DLGAP1: variants seen among roughly 807,000 people sequenced by gnomAD.
The protein encoded by DLGAP1 is DLG associated protein 1.
DLGAP1 carries 11 observed loss-of-function variants against 90.8 expected under a neutral mutation model. That is an observed-to-expected ratio of 0.12 (90% CI 0.08 to 0.20). DLGAP1 has a LOEUF of 0.20. Among genes scored for constraint, DLGAP1 ranks in the 10% least tolerant of loss-of-function variants. The probability of loss-of-function intolerance (pLI) is 1.00; values close to 1 mark genes in which losing one functional copy is unlikely to be tolerated. For missense variants in DLGAP1, 1,050 were observed against 1,333.8 expected (o/e 0.79, Z 3.31); for synonymous variants, 558 against 540.7 (o/e 1.03, Z -0.44).
Position 4,404,550 on chromosome 18 carries a change from A to G in DLGAP1, c.-267+50456T>C, listed in dbSNP as rs115183222. Among the ~76,000 whole-genome samples the G allele has an allele frequency of 5.2e-3, 790 of 152,374 alleles. 6 individuals carry two copies. Among genetic ancestry groups the G allele is most frequent in the African/African-American group, 0.018 (728 of 41,590 alleles). On this transcript the variant is annotated intron_variant, in intron 1 of 12. Transcript: ENST00000315677. ...CAAAAACATACAATATTACATAAAG[A>G]TGAAAACTAATTTACTCTTACATAC...
At chr18:4,216,207 C>A (rs56123576) in intron 1 of DLGAP1, among the ~76,000 whole-genome samples, 2,148 of 151,998 alleles carry the variant, frequency 0.014, 47 homozygotes, top group African/African-American at 0.049. Flanking sequence ...TGGAGAAAAG[C>A]CCCTTAGAAG....
intron 3 of DLGAP1, chr18:3,962,391 T>C (rs1298741635): frequency 6.6e-6 from 1 of 152,210 alleles, no homozygotes; most frequent in African/African-American, 2.4e-5. Flanking sequence ...TAGAATGAAT[T>C]GCGATGAAAC....
At chr18:4,408,497 T>C (rs1298411317) in intron 1 of DLGAP1, among the ~76,000 whole-genome samples, 1 of 151,612 alleles carries the variant, frequency 6.6e-6, no homozygotes, top group African/African-American at 2.4e-5. Context: ...TATGTCAAAA[T>C]TACAATAAGA....
chr18:4,075,803 T>C (rs2075514521), intron 2 of DLGAP1, among the ~76,000 whole-genome samples: 1 of 152,266 alleles, frequency 6.6e-6, no homozygotes, highest in South Asian at 2.1e-4. Context: ...ATAGAGTTGT[T>C]CTTTGTTCAC....
At chr18:3,679,612 A>G (rs1419272156) in intron 7 of DLGAP1, among the ~76,000 whole-genome samples, 1 of 148,716 alleles carries the variant, frequency 6.7e-6, no homozygotes, top group Non-Finnish European at 1.5e-5. Flanking sequence ...GCTACTAGAT[A>G]GGGCCGATGA....
chr18:3,647,211 G>A (rs894868621), intron 7 of DLGAP1, among the ~76,000 whole-genome samples: 36 of 150,680 alleles, frequency 2.4e-4, no homozygotes, highest in African/African-American at 7.8e-4. Flanking sequence ...CTGAGATTGT[G>A]CCATTGCACT....
chr18:3,586,564 A>C (rs538992832), intron 7 of DLGAP1, among the ~76,000 whole-genome samples: 1 of 151,696 alleles, frequency 6.6e-6, no homozygotes, highest in African/African-American at 2.4e-5. Context: ...GATTTAAGAG[A>C]TCCTCCCCCT....
chr18:4,150,418 T>C (rs1436900905), intron 2 of DLGAP1, among the ~76,000 whole-genome samples: 1 of 151,664 alleles, frequency 6.6e-6, no homozygotes, highest in African/African-American at 2.4e-5. Context: ...TGAGATGGAG[T>C]CTCTCTCTGT....
At chr18:3,871,357 C>T (rs1219372155) in intron 4 of DLGAP1, among the ~76,000 whole-genome samples, 1 of 152,100 alleles carries the variant, frequency 6.6e-6, no homozygotes, top group African/African-American at 2.4e-5. Context: ...ACCTTCTGAT[C>T]AGGAGGTTCT....
intron 1 of DLGAP1, among the ~76,000 whole-genome samples, chr18:4,212,971 A>C (rs2077877505): frequency 1.3e-5 from 2 of 152,202 alleles, no homozygotes; most frequent in South Asian, 4.1e-4. Flanking sequence ...AAAGTGGCAA[A>C]TAAATTATAT....
At chr18:3,502,353 A>G in intron 12 of DLGAP1, 140 bp downstream of exon 12, 2 of 1,448,532 alleles carry the variant, frequency 1.4e-6, no homozygotes, top group Non-Finnish European at 1.8e-6. Flanking sequence ...CTATGTAAAC[A>G]TTGTCATTAC....
At chr18:3,782,780 T>C (rs2065257655) in intron 5 of DLGAP1, among the ~76,000 whole-genome samples, 1 of 152,250 alleles carries the variant, frequency 6.6e-6, no homozygotes, top group Non-Finnish European at 1.5e-5. Context: ...TCAATTATTA[T>C]GACTTTTCTT....
At chr18:4,033,299 T>C (rs2149133266) in intron 2 of DLGAP1, among the ~76,000 whole-genome samples, 1 of 152,050 alleles carries the variant, frequency 6.6e-6, no homozygotes, top group South Asian at 2.1e-4. Context: ...GGGGTCTGTT[T>C]GGCATACAAG....
At chr18:4,356,240 C>T (rs181283467) in intron 1 of DLGAP1, among the ~76,000 whole-genome samples, 1 of 151,902 alleles carries the variant, frequency 6.6e-6, no homozygotes, top group African/African-American at 2.4e-5. Context: ...GAGACCCATT[C>T]CCTTGGTAAA....
chr18:4,240,558 T>C (rs2078512741), intron 1 of DLGAP1, among the ~76,000 whole-genome samples: 1 of 152,146 alleles, frequency 6.6e-6, no homozygotes, highest in South Asian at 2.1e-4. Flanking sequence ...AATGAAAATG[T>C]CAAAAAAGAG....
intron 6 of DLGAP1, among the ~76,000 whole-genome samples, chr18:3,741,624 CATT>C (rs1199866614): frequency 1.3e-5 from 2 of 152,186 alleles, no homozygotes; most frequent in Admixed American, 1.3e-4. Context: ...TCACTGCCAT[CATT>C]ATCACCAACA....
At position 3,568,591 on chromosome 18, in the gene DLGAP1, G is replaced by A. The variant is rs181340130; in HGVS notation, c.1966-1010C>T. On this transcript the variant is annotated intron_variant, in intron 8 of 12. Transcript: ENST00000315677. ...AAATTAAAATACAGAAATATATAATGTAGAAAGAGAAAGTCTCCCAAGAAT... is the reference window on the plus strand; with the variant it reads ...AAATTAAAATACAGAAATATATAATATAGAAAGAGAAAGTCTCCCAAGAAT... 3.9e-5 allele frequency among the ~76,000 whole-genome samples: 6 copies of A among 152,132 alleles called. No individual in the cohort carries two copies. The East Asian group carries it at 1.2e-3, about 29-fold the overall frequency.
At chr18:3,948,123 T>C (rs906091430) in intron 3 of DLGAP1, among the ~76,000 whole-genome samples, 3 of 152,048 alleles carry the variant, frequency 2.0e-5, no homozygotes, top group South Asian at 2.1e-4. Context: ...AGAGACCAAC[T>C]GAAGGGAGAT....
chr18:3,521,780 A>G (rs1350686057), intron 10 of DLGAP1, among the ~76,000 whole-genome samples: 1 of 152,180 alleles, frequency 6.6e-6, no homozygotes, highest in African/African-American at 2.4e-5. Context: ...ACTAACTCCT[A>G]TTATCTCCAC....
Sources: gnomAD v4.1 joint callset for allele counts (sites outside exome capture counted in the v4.1 genomes callset) on GRCh38, gnomAD v4.1.1 for gene constraint, MANE v1.5 for transcripts, NCBI Gene and HGNC (gene_info 2026-07-23, HGNC 2026-07-21) for gene names.